Variants in RBFOX1 observed in about 807,000 individuals in gnomAD.
RBFOX1 encodes the protein RNA binding protein fox-1 homolog 1.
In RBFOX1, 8 loss-of-function variants were observed where a neutral mutation model predicts 57.7. The observed-to-expected ratio is 0.14, with a 90% CI of 0.08 to 0.25. The LOEUF (loss-of-function observed/expected upper bound fraction) is 0.25, where lower values mean the gene tolerates loss of function less well. Among genes scored for constraint, RBFOX1 ranks in the 10% least tolerant of loss-of-function variants. The pLI is 1.00. For missense variants in RBFOX1, 611 were observed against 548.5 expected, an observed-to-expected ratio of 1.11 and a Z score of -1.14; for synonymous variants, 326 against 222.4, an observed-to-expected ratio of 1.47 and a Z score of -4.15.
intron 4 of RBFOX1, among the ~76,000 whole-genome samples, chr16:7,167,019 T>C (rs1477815664): frequency 8.0e-6 from 1 of 125,206 alleles, no homozygotes; most frequent in Non-Finnish European, 1.6e-5. Flanking sequence ...ACAGTTTCTT[T>C]CTGTCGCCCA....
At chr16:5,814,760 C>G (rs934385300) in intron 3 of RBFOX1, among the ~76,000 whole-genome samples, 3 of 152,078 alleles carry the variant, frequency 2.0e-5, no homozygotes, top group Non-Finnish European at 2.9e-5. Flanking sequence ...AACCCCGTCT[C>G]TACTAAAAAT....
chr16:7,650,720 G>A (rs1043638085), intron 11 of RBFOX1, among the ~76,000 whole-genome samples: 3 of 152,190 alleles, frequency 2.0e-5, no homozygotes, highest in African/African-American at 4.8e-5. Context: ...CATAATTACC[G>A]TGTTTCCTCA....
Position 7,360,631 on chromosome 16 carries a change from C to G in RBFOX1, c.28-157516C>G, listed in dbSNP as rs917443255. On this transcript the variant is annotated intron_variant, in intron 4 of 15. Transcript: ENST00000550418. ...CACAACAAAGGCAAAGGAATTATCCCTCCCTATGATACAAAGTTCCTCTCC... is the reference window on the plus strand; with the variant it reads ...CACAACAAAGGCAAAGGAATTATCCGTCCCTATGATACAAAGTTCCTCTCC... 7.2e-5 allele frequency among the ~76,000 whole-genome samples: 11 copies of G among 152,304 alleles called. No individual in the cohort carries two copies. In the South Asian group the frequency reaches 2.3e-3, roughly 32 times the overall value.
At position 5,599,575 on chromosome 16, in the gene RBFOX1, C is replaced by T. The variant is rs536560963; in HGVS notation, c.*326C>T. 1.0e-4 allele frequency: 27 copies of T among 270,334 alleles called. 1 individual carries two copies. The East Asian group carries it at 1.9e-3, about 19-fold the overall frequency. 16.7% of individuals were successfully genotyped at this position (270,334 alleles called of 1,614,324 possible). On this transcript the variant is annotated 3_prime_UTR_variant, in exon 3 of 3. Coordinates refer to the RBFOX1 transcript ENST00000585867. ...GTGTGGTGCATTCCCCAAGTGTGAC[C>T]TGTTTGTGTATTGTTGGTGACCTTG...
In RBFOX1 at chr16:6,833,642, C is replaced by T. The variant is rs143244550; in HGVS notation, c.-16+178992C>T. ...TGTCACAGGGCAGAGATTTTGTCTT[C>T]CTCATGTCTTCCCATTGGCACCTAG... On this transcript the variant is annotated intron_variant, in intron 3 of 15. Coordinates refer to ENST00000550418, the MANE Select transcript of RBFOX1 (RefSeq NM_018723.4). Among the ~76,000 whole-genome samples, 3 of 152,314 alleles carry T rather than the reference C, an allele frequency of 2.0e-5. No homozygotes were observed. In the East Asian group the frequency reaches 5.8e-4, roughly 29 times the overall value.
intron 4 of RBFOX1, among the ~76,000 whole-genome samples, chr16:7,147,512 C>T (rs562953729): frequency 1.3e-5 from 2 of 152,174 alleles, no homozygotes; most frequent in South Asian, 4.1e-4. Flanking sequence ...TTGCTCTTAT[C>T]CTGATGTCCA....
chr16:6,718,351 G>A (rs563175725), intron 3 of RBFOX1, among the ~76,000 whole-genome samples: 1 of 152,240 alleles, frequency 6.6e-6, no homozygotes, highest in East Asian at 1.9e-4. Flanking sequence ...TATTTTAGTG[G>A]GAGAGATAGA....
intron 3 of RBFOX1, among the ~76,000 whole-genome samples, chr16:6,902,080 G>A (rs1014849046): frequency 1.3e-5 from 2 of 152,096 alleles, no homozygotes; most frequent in African/African-American, 2.4e-5. Flanking sequence ...CTTGATGTCG[G>A]CATATATTTG....
At chr16:6,619,687 CTTTTTTTT>C (rs34849467) in intron 2 of RBFOX1, among the ~76,000 whole-genome samples, 2 of 117,948 alleles carry the variant, frequency 1.7e-5, no homozygotes, top group African/African-American at 3.2e-5. Flanking sequence ...TGTTGGTTTC[CTTTTTTTT>C]TTTTTTTTTT....
chr16:7,232,387 C>G (rs1339401266), intron 4 of RBFOX1, among the ~76,000 whole-genome samples: 3 of 152,138 alleles, frequency 2.0e-5, no homozygotes, highest in Non-Finnish European at 4.4e-5. Context: ...ATGCCTATGT[C>G]TTTAGGTTAT....
intron 1 of RBFOX1, among the ~76,000 whole-genome samples, chr16:6,217,031 T>C (rs1169531157): frequency 6.6e-6 from 1 of 152,208 alleles, no homozygotes; most frequent in Non-Finnish European, 1.5e-5. Flanking sequence ...AAGAAAGCCC[T>C]CTTCAGGTAA....
At chr16:6,416,580 G>T (rs143022458) in intron 2 of RBFOX1, among the ~76,000 whole-genome samples, 1 of 152,038 alleles carries the variant, frequency 6.6e-6, no homozygotes, top group African/African-American at 2.4e-5. Flanking sequence ...TGGCACCGAG[G>T]CTTCTTGTAC....
chr16:5,348,767 A>T (rs2065198275), intron 1 of RBFOX1, among the ~76,000 whole-genome samples: 1 of 152,150 alleles, frequency 6.6e-6, no homozygotes, highest in African/African-American at 2.4e-5. Context: ...AAATTCCTAT[A>T]CCTGATGCTG....
At chr16:5,359,699 C>T (rs915898459) in intron 1 of RBFOX1, among the ~76,000 whole-genome samples, 5 of 152,190 alleles carry the variant, frequency 3.3e-5, no homozygotes, top group Admixed American at 6.5e-5. Flanking sequence ...GCTTCTTTGC[C>T]GATCATTTCC....
At chr16:7,109,563 G>A (rs1355674006) in intron 4 of RBFOX1, among the ~76,000 whole-genome samples, 4 of 152,148 alleles carry the variant, frequency 2.6e-5, no homozygotes, top group African/African-American at 7.2e-5. Context: ...GTTGGAAGCT[G>A]CAAATGATGA....
At chr16:7,198,738 G>T (rs7186528) in intron 4 of RBFOX1, among the ~76,000 whole-genome samples, 1 of 152,128 alleles carries the variant, frequency 6.6e-6, no homozygotes, top group African/African-American at 2.4e-5. Flanking sequence ...GACTTTATTC[G>T]TGAAAGTGGA....
At chr16:7,103,855 AC>A (rs2063116991) in intron 4 of RBFOX1, among the ~76,000 whole-genome samples, 1 of 152,170 alleles carries the variant, frequency 6.6e-6, no homozygotes, top group African/African-American at 2.4e-5. Context: ...AAGTACTATT[AC>A]CTAGTGATAC....
chr16:6,710,922 G>A (rs1483668072), intron 3 of RBFOX1, among the ~76,000 whole-genome samples: 5 of 152,206 alleles, frequency 3.3e-5, no homozygotes, highest in African/African-American at 1.2e-4. Context: ...ACAGGGAGGG[G>A]ATGATGGGCA....
chr16:5,493,640 C>T (rs765376979), intron 2 of RBFOX1, among the ~76,000 whole-genome samples: 5 of 152,156 alleles, frequency 3.3e-5, no homozygotes, highest in Admixed American at 2.0e-4. Context: ...ATGACAATAC[C>T]GATCTGTCAA....
Sources: gnomAD v4.1 joint callset for allele counts (sites outside exome capture counted in the v4.1 genomes callset) on GRCh38, gnomAD v4.1.1 for gene constraint, MANE v1.5 for transcripts, NCBI Gene and HGNC (gene_info 2026-07-23, HGNC 2026-07-21) for gene names.